Variants in PARD3B observed in about 807,000 individuals in gnomAD.
PARD3B encodes the protein par-3 family cell polarity regulator beta.
PARD3B carries 103 observed loss-of-function variants against 130.2 expected under a neutral mutation model. The observed-to-expected ratio is 0.79, with a 90% confidence interval of 0.67 to 0.93. PARD3B has a LOEUF of 0.93. Ranked by LOEUF, PARD3B falls within the 40% of genes least tolerant of loss-of-function variation. PARD3B has a pLI of 0.00. For missense variants in PARD3B, 1,609 were observed against 1,499.2 expected (o/e 1.07, Z -1.21); for synonymous variants, 583 against 553.2 (o/e 1.05, Z -0.76).
intron 1 of PARD3B, among the ~76,000 whole-genome samples, chr2:204,679,491 A>T (rs1376328478): frequency 6.6e-6 from 1 of 152,144 alleles, no homozygotes; most frequent in Non-Finnish European, 1.5e-5. Flanking sequence ...TCCTTACCCT[A>T]ACCCCAGTCA....
chr2:204,801,717 C>T (rs1231147493), intron 2 of PARD3B, among the ~76,000 whole-genome samples: 1 of 152,148 alleles, frequency 6.6e-6, no homozygotes, highest in Admixed American at 6.5e-5. Context: ...TGCCTGAATG[C>T]TGCGGCCAGA....
In PARD3B at chr2:204,669,997, C is replaced by T. The variant is rs1347230277; in HGVS notation, c.121-16184C>T. On this transcript the variant is annotated intron_variant, in intron 1 of 22. Coordinates refer to ENST00000406610, the MANE Select transcript of PARD3B (RefSeq NM_001302769.2). This position sits in a 1 kb window ranked among gnomAD's most constrained non-coding sequence, Gnocchi z 4.3. ...GTTCCCATGAATGATTTCAGAAAGT[C>T]AAAAGATGATTCTGAAGTTGAACGG... 2.0e-5 allele frequency among the ~76,000 whole-genome samples: 3 copies of T among 152,050 alleles called. No individual in the cohort carries two copies. The highest frequency in any genetic ancestry group is 7.2e-5 in the African/African-American group (3 of 41,406).
intron 2 of PARD3B, among the ~76,000 whole-genome samples, chr2:204,802,355 G>C (rs2042601730): frequency 6.6e-6 from 1 of 152,186 alleles, no homozygotes; most frequent in Non-Finnish European, 1.5e-5. Context: ...ATGCTGGAGA[G>C]GATGTGGAGA....
At chr2:205,379,823 A>G (rs1285137957) in intron 18 of PARD3B, among the ~76,000 whole-genome samples, 3 of 151,904 alleles carry the variant, frequency 2.0e-5, no homozygotes, top group Non-Finnish European at 4.4e-5. Context: ...TAATCCCAGC[A>G]CTTTGTGAGG....
chr2:204,602,671 G>A (rs971065617), intron 1 of PARD3B, among the ~76,000 whole-genome samples: 9 of 151,632 alleles, frequency 5.9e-5, no homozygotes, highest in African/African-American at 2.2e-4. Flanking sequence ...AACCCTTATT[G>A]TGTAAAGGGC....
chr2:204,836,248 G>T (rs1036346318), intron 2 of PARD3B, among the ~76,000 whole-genome samples: 1 of 152,046 alleles, frequency 6.6e-6, no homozygotes, highest in East Asian at 1.9e-4. Flanking sequence ...TTTTACAGGA[G>T]AATTTTTTTT....
At chr2:204,702,080 T>C (rs1328888385) in intron 2 of PARD3B, among the ~76,000 whole-genome samples, 1 of 152,184 alleles carries the variant, frequency 6.6e-6, no homozygotes, top group Non-Finnish European at 1.5e-5. Context: ...GATTTTATTC[T>C]TTTTTATGGC....
chr2:205,560,989 A>G (rs2053112486), intron 22 of PARD3B, among the ~76,000 whole-genome samples: 1 of 152,196 alleles, frequency 6.6e-6, no homozygotes, highest in Admixed American at 6.5e-5. Context: ...GGTTCATTTT[A>G]TTGGTCTCAG....
intron 20 of PARD3B, among the ~76,000 whole-genome samples, chr2:205,484,723 G>A (rs914132745): frequency 6.6e-6 from 1 of 152,090 alleles, no homozygotes; most frequent in Non-Finnish European, 1.5e-5. Flanking sequence ...ACCTCAGTAT[G>A]ATATAAATAA....
At chr2:205,332,541 A>G (rs981635332) in intron 18 of PARD3B, among the ~76,000 whole-genome samples, 4 of 151,944 alleles carry the variant, frequency 2.6e-5, no homozygotes, top group African/African-American at 9.7e-5. Context: ...AACCAAAGAA[A>G]ATATTTGTGG....
At chr2:205,215,427 A>T (rs1411438193) in intron 15 of PARD3B, among the ~76,000 whole-genome samples, 1 of 152,162 alleles carries the variant, frequency 6.6e-6, no homozygotes, top group Non-Finnish European at 1.5e-5. Flanking sequence ...AGGAATAATT[A>T]GAAAATACTT....
At position 204,673,613 on chromosome 2, in the gene PARD3B, C is replaced by T. The variant is rs1293256627; in HGVS notation, c.121-12568C>T. 2.0e-5 allele frequency among the ~76,000 whole-genome samples: 3 copies of T among 152,204 alleles called. No homozygotes were observed. Among genetic ancestry groups the T allele is most frequent in the Admixed American group, 2.0e-4 (3 of 15,284 alleles). ...CCTCCAGTCTGCCACTGACTTGCCT[C>T]AAGTCTGTGCTCAAATGCCACTTTT... On this transcript the variant is annotated intron_variant, in intron 1 of 22. Transcript: ENST00000406610. The surrounding 1 kb of genome is among the most constrained non-coding windows in gnomAD (Gnocchi z 4.7).
chr2:205,440,281 G>A lies in PARD3B; in HGVS notation c.2742-89G>A, dbSNP rs1344000503. 7.7e-7 allele frequency: 1 copy of A among 1,304,360 alleles called. No individual in the cohort carries two copies. The highest frequency in any genetic ancestry group is 1.5e-5 in the African/African-American group (1 of 67,536). 80.8% of individuals were successfully genotyped at this position (1,304,360 alleles called of 1,614,324 possible). On this transcript the variant is annotated intron_variant, in intron 19 of 22. Coordinates refer to ENST00000406610, the MANE Select transcript of PARD3B (RefSeq NM_001302769.2). This position sits in a 1 kb window ranked among gnomAD's most constrained non-coding sequence, Gnocchi z 4.2. Reference sequence around the variant, plus strand: ...AGGAGAATGACAGCTAAGAGACGAGGAAGAGTTAACATAAATTCAAGAGAG... The same window carrying A: ...AGGAGAATGACAGCTAAGAGACGAGAAAGAGTTAACATAAATTCAAGAGAG...
At chr2:204,654,900 C>T (rs762399589) in intron 1 of PARD3B, among the ~76,000 whole-genome samples, 4 of 152,006 alleles carry the variant, frequency 2.6e-5, no homozygotes, top group Admixed American at 6.6e-5. Context: ...TCTGGTGGAC[C>T]GAGCAGACTA....
chr2:205,290,658 C>T lies in PARD3B; in HGVS notation c.2186-9872C>T, dbSNP rs577956148. ...AGATAGCCATTTCATCAGTCAAACA[C>T]CGATGAAATAGTTGGCTTGTGTTTG... is the stretch of plus-strand genomic sequence containing the variant. On this transcript the variant is annotated intron_variant, in intron 16 of 22. Transcript: ENST00000406610. Among the ~76,000 whole-genome samples, 73 of 152,246 alleles carry T rather than the reference C, an allele frequency of 4.8e-4. No individual in the cohort carries two copies. The South Asian group carries it at 0.015, about 30-fold the overall frequency.
intron 18 of PARD3B, among the ~76,000 whole-genome samples, chr2:205,348,340 A>G (rs566777062): frequency 2.5e-4 from 38 of 152,346 alleles, no homozygotes; most frequent in South Asian, 1.9e-3. Context: ...TCCTCTCCGT[A>G]TTCTCAATGT....
At chr2:204,918,629 CAAAAA>C (rs549430207) in intron 2 of PARD3B, among the ~76,000 whole-genome samples, 1 of 101,212 alleles carries the variant, frequency 9.9e-6, no homozygotes. Context: ...GACTCCGTCT[CAAAAA>C]AAAAAAAAAA....
At chr2:205,346,214 A>C (rs1040589644) in intron 18 of PARD3B, among the ~76,000 whole-genome samples, 3 of 120,086 alleles carry the variant, frequency 2.5e-5, no homozygotes, top group Admixed American at 9.5e-5. Context: ...TAAATAAATA[A>C]ATAAATTTCA....
chr2:204,694,788 A>T (rs1036137496), intron 2 of PARD3B, among the ~76,000 whole-genome samples: 1 of 151,912 alleles, frequency 6.6e-6, no homozygotes. Context: ...TATAGTGTGT[A>T]TGGGTGTATG....
Sources: gnomAD v4.1 joint callset for allele counts (sites outside exome capture counted in the v4.1 genomes callset) on GRCh38, gnomAD v4.1.1 for gene constraint, Gnocchi (gnomAD v3.1) non-coding constraint, MANE v1.5 for transcripts, NCBI Gene and HGNC (gene_info 2026-07-23, HGNC 2026-07-21) for gene names.